Variants in CDH13 observed in about 807,000 individuals in gnomAD.
CDH13 encodes cadherin-13.
CDH13 carries 24 observed loss-of-function variants against 63.8 expected under a neutral mutation model. That is an observed-to-expected ratio of 0.38 (90% CI 0.27 to 0.53). CDH13 has a LOEUF of 0.53. Among genes scored for constraint, CDH13 ranks in the 20% least tolerant of loss-of-function variants. The pLI, the probability that CDH13 is intolerant of heterozygous loss-of-function variation, is 0.85. For synonymous variants in CDH13, 503 were observed against 355.3 expected (o/e 1.42, Z -4.67); for missense variants, 1,049 against 903.1 (o/e 1.16, Z -2.07).
At chr16:83,208,983 T>A (rs533172386) in intron 4 of CDH13, among the ~76,000 whole-genome samples, 5 of 152,126 alleles carry the variant, frequency 3.3e-5, no homozygotes, top group African/African-American at 1.2e-4. Context: ...CTCCTAAGCA[T>A]TACCACTGCC....
intron 3 of CDH13, among the ~76,000 whole-genome samples, chr16:83,064,874 A>G (rs976669135): frequency 1.3e-5 from 2 of 151,980 alleles, no homozygotes; most frequent in South Asian, 2.1e-4. Flanking sequence ...TTTGAAATTG[A>G]CTCTCTTAGT....
chr16:83,189,518 C>A (rs1404075453), intron 4 of CDH13, among the ~76,000 whole-genome samples: 1 of 152,184 alleles, frequency 6.6e-6, no homozygotes, highest in Non-Finnish European at 1.5e-5. Flanking sequence ...GACAGATACA[C>A]GTTCACATGG....
intron 7 of CDH13, among the ~76,000 whole-genome samples, chr16:83,511,012 C>A (rs115581363): frequency 6.6e-6 from 1 of 152,244 alleles, no homozygotes; most frequent in African/African-American, 2.4e-5. Flanking sequence ...TACCATCTTC[C>A]CACACACATA....
chr16:83,496,170 G>C (rs567968468), intron 7 of CDH13, among the ~76,000 whole-genome samples: 1 of 152,132 alleles, frequency 6.6e-6, no homozygotes, highest in African/African-American at 2.4e-5. Context: ...TTTAAAGTAA[G>C]TATGGAACCA....
intron 1 of CDH13, chr16:82,719,503 G>A: frequency 2.2e-6 from 1 of 452,682 alleles, no homozygotes; most frequent in South Asian, 1.6e-5. Context: ...TGAAGGCAGT[G>A]ATGGAAGTGG....
intron 6 of CDH13, among the ~76,000 whole-genome samples, chr16:83,353,397 G>C (rs2090995850): frequency 5.9e-5 from 9 of 151,618 alleles, no homozygotes; most frequent in Admixed American, 5.9e-4. Context: ...GCACATGTCA[G>C]GCCCGCCCTG....
At position 83,463,420 on chromosome 16, in the gene CDH13, G is replaced by A. The variant is rs1019853136; in HGVS notation, c.782-23057G>A. 3.9e-5 allele frequency among the ~76,000 whole-genome samples: 6 copies of A among 152,338 alleles called. No individual in the cohort carries two copies. The East Asian group carries it at 1.2e-3, about 29-fold the overall frequency. On this transcript the variant is annotated intron_variant, in intron 6 of 13. Transcript: ENST00000567109. ...TCTCTCTGGCATTCAGGCTGACAGA[G>A]TGGCCACTTTGCAGAACAGCGGCAG...
chr16:83,301,500 C>G (rs1430498057), intron 5 of CDH13, among the ~76,000 whole-genome samples: 1 of 152,054 alleles, frequency 6.6e-6, no homozygotes, highest in Non-Finnish European at 1.5e-5. Flanking sequence ...CCACATGTGT[C>G]AGGGCTGTGT....
intron 1 of CDH13, among the ~76,000 whole-genome samples, chr16:82,840,987 C>G (rs1261624673): frequency 6.6e-6 from 1 of 152,140 alleles, no homozygotes; most frequent in Non-Finnish European, 1.5e-5. Context: ...TAAGTACAAA[C>G]CAAAAATCAC....
intron 2 of CDH13, among the ~76,000 whole-genome samples, chr16:83,001,041 CAT>C (rs1002543937): frequency 1.2e-4 from 19 of 152,350 alleles, no homozygotes; most frequent in African/African-American, 4.6e-4. Context: ...CTGAAAAACA[CAT>C]AGAGCTTCCT....
intron 1 of CDH13, 37 bp from the exon 2 acceptor site, chr16:82,858,325 G>C: frequency 2.9e-6 from 4 of 1,386,186 alleles, no homozygotes; most frequent in Non-Finnish European, 4.1e-6. Context: ...AAACACATAA[G>C]CCGCTATTAA....
intron 5 of CDH13, among the ~76,000 whole-genome samples, chr16:83,299,891 G>C (rs1193184362): frequency 6.6e-6 from 1 of 152,212 alleles, no homozygotes; most frequent in Non-Finnish European, 1.5e-5. Context: ...GAGGCCTCAG[G>C]CTGTAATCAC....
chr16:83,658,703 TC>T (rs1296454663), intron 8 of CDH13, among the ~76,000 whole-genome samples: 167 of 147,864 alleles, frequency 1.1e-3, no homozygotes, highest in African/African-American at 4.0e-3. Context: ...AGGTCCCATA[TC>T]CTCACCAGCA....
At chr16:82,746,751 G>A (rs7201338) in intron 1 of CDH13, among the ~76,000 whole-genome samples, 52,658 of 151,760 alleles carry the variant, frequency 0.35, 10,161 homozygotes, top group South Asian at 0.45. Flanking sequence ...ATTTTTACTT[G>A]AAAAAAATTT....
chr16:82,664,005 T>C (rs1912291634), intron 1 of CDH13, among the ~76,000 whole-genome samples: 1 of 152,210 alleles, frequency 6.6e-6, no homozygotes, highest in African/African-American at 2.4e-5. Flanking sequence ...CACTTCTGCC[T>C]TTGTAGCTGT....
At chr16:83,704,913 C>G (rs1906782370) in intron 10 of CDH13, among the ~76,000 whole-genome samples, 1 of 152,202 alleles carries the variant, frequency 6.6e-6, no homozygotes, top group South Asian at 2.1e-4. Flanking sequence ...GGCCAGTGCT[C>G]CCTGGAGTTG....
Position 82,637,510 on chromosome 16 carries a change from A to T in CDH13, c.45+10373A>T, listed in dbSNP as rs1316129725. Reference sequence around the variant, plus strand: ...CAGTGGCGCGATCTCGGCTCACTGCAAGCTCCGCCTCCCGGGTTCACGCCG... The same window carrying T: ...CAGTGGCGCGATCTCGGCTCACTGCTAGCTCCGCCTCCCGGGTTCACGCCG... On this transcript the variant is annotated intron_variant, in intron 1 of 13. Transcript: ENST00000567109. 2.2e-5 allele frequency: 3 copies of T among 139,040 alleles called. No individual in the cohort carries two copies. The East Asian group carries it at 6.6e-4, about 31-fold the overall frequency. 8.6% of individuals were successfully genotyped at this position (139,040 alleles called of 1,614,324 possible). A position where few individuals can be genotyped will look rare whatever the true frequency, so the allele number is the denominator to read the frequency against.
chr16:83,635,149 G>A (rs764458434), intron 8 of CDH13, among the ~76,000 whole-genome samples: 11 of 152,156 alleles, frequency 7.2e-5, no homozygotes, highest in African/African-American at 1.9e-4. Flanking sequence ...CTGGTTTGGT[G>A]TATAGCAATA....
intron 5 of CDH13, among the ~76,000 whole-genome samples, chr16:83,278,737 T>A (rs1269827597): frequency 6.6e-6 from 1 of 152,150 alleles, no homozygotes; most frequent in Non-Finnish European, 1.5e-5. Flanking sequence ...TGGCCAAATA[T>A]GTTAGAGGCT....
Sources: gnomAD v4.1 joint callset for allele counts (sites outside exome capture counted in the v4.1 genomes callset) on GRCh38, gnomAD v4.1.1 for gene constraint, MANE v1.5 for transcripts, NCBI Gene and HGNC (gene_info 2026-07-23, HGNC 2026-07-21) for gene names.